SFXN1: variants seen among roughly 807,000 people sequenced by gnomAD.
SFXN1 encodes sideroflexin-1.
SFXN1 carries 32 observed loss-of-function variants against 39.5 expected under a neutral mutation model. That is an observed-to-expected ratio of 0.81 (90% CI 0.61 to 1.09). SFXN1 has a LOEUF of 1.09. SFXN1 is among the 50% of genes least tolerant of loss of function. SFXN1 has a pLI of 0.00. For missense variants in SFXN1, 402 were observed against 407.1 expected (o/e 0.99, Z 0.11); for synonymous variants, 136 against 146.5 (o/e 0.93, Z 0.52).
chr5:175,522,994 A>C (rs757442098), intron 10 of SFXN1: 3 of 152,378 alleles, frequency 2.0e-5, no homozygotes, highest in Non-Finnish European at 4.4e-5. Context: ...CAACACACAA[A>C]GCAGCGGCAT....
chr5:175,505,666 TA>T (rs1760266475), intron 2 of SFXN1, among the ~76,000 whole-genome samples: 1 of 151,938 alleles, frequency 6.6e-6, no homozygotes, highest in Non-Finnish European at 1.5e-5. Flanking sequence ...TACCCAAGAT[TA>T]AAATTGACTG....
intron 8 of SFXN1, 45 bp from the exon 9 acceptor site, chr5:175,521,874 G>T: frequency 6.7e-7 from 1 of 1,493,700 alleles, no homozygotes; most frequent in Non-Finnish European, 9.2e-7. Context: ...TTGCCTCTAA[G>T]ACCCTGTATA....
chr5:175,512,573 T>G (rs1396889467), intron 6 of SFXN1, among the ~76,000 whole-genome samples: 1 of 152,164 alleles, frequency 6.6e-6, no homozygotes, highest in Non-Finnish European at 1.5e-5. Flanking sequence ...CTTTTTTTTC[T>G]CCAGAATTTT....
intron 2 of SFXN1, among the ~76,000 whole-genome samples, chr5:175,501,523 CAAGG>C (rs1202850860): frequency 1.3e-5 from 2 of 151,926 alleles, no homozygotes; most frequent in African/African-American, 2.4e-5. Context: ...AATTCACAGA[CAAGG>C]AAAATATTTG....
At chr5:175,498,325 A>G (rs556335544) in intron 2 of SFXN1, among the ~76,000 whole-genome samples, 158 of 151,844 alleles carry the variant, frequency 1.0e-3, no homozygotes, top group African/African-American at 3.5e-3. Flanking sequence ...TAATCATTTC[A>G]CATTTACTAA....
At chr5:175,501,686 C>T (rs1760089485) in intron 2 of SFXN1, among the ~76,000 whole-genome samples, 1 of 152,136 alleles carries the variant, frequency 6.6e-6, no homozygotes, top group Non-Finnish European at 1.5e-5. Flanking sequence ...ACTTAGGACA[C>T]TTCACCATAG....
At position 175,487,239 on chromosome 5, in the gene SFXN1, G is replaced by A. The variant is rs560427541; in HGVS notation, c.-9-4856G>A. The stretch of plus-strand genomic sequence containing the variant: ...CCTCCTGGATCAGAACCTCTAGAAG[G>A]AGGATAGTATTTGTCTTTATAAGAA... On this transcript the variant is annotated intron_variant, in intron 1 of 10. Transcript: ENST00000321442. Among the ~76,000 whole-genome samples, 19 of 152,298 alleles carry A rather than the reference G, an allele frequency of 1.2e-4. No individual in the cohort carries two copies. In the East Asian group the frequency reaches 2.7e-3, roughly 22 times the overall value.
At chr5:175,507,551 G>A (rs1418864925) in intron 2 of SFXN1, among the ~76,000 whole-genome samples, 15 of 152,148 alleles carry the variant, frequency 9.9e-5, no homozygotes, top group Non-Finnish European at 1.5e-5. Context: ...GAGATGAGTA[G>A]GTAAAGACTT....
chr5:175,517,216 A>G (rs936845612), intron 8 of SFXN1, among the ~76,000 whole-genome samples: 1 of 152,180 alleles, frequency 6.6e-6, no homozygotes, highest in African/African-American at 2.4e-5. Context: ...TTAGCCCACC[A>G]TTGCCGCATT....
chr5:175,514,150 A>G (rs1368098939), intron 7 of SFXN1, among the ~76,000 whole-genome samples: 1 of 151,880 alleles, frequency 6.6e-6, no homozygotes, highest in African/African-American at 2.4e-5. Context: ...GAGAATGAGA[A>G]TATTCAGTGG....
intron 7 of SFXN1, among the ~76,000 whole-genome samples, chr5:175,514,162 G>C (rs529859855): frequency 6.6e-6 from 1 of 152,262 alleles, no homozygotes; most frequent in African/African-American, 2.4e-5. Context: ...ATTCAGTGGA[G>C]GCTGTGCGGG....
At chr5:175,492,582 C>T (rs1452329627) in intron 2 of SFXN1, 1 of 214,338 alleles carries the variant, frequency 4.7e-6, no homozygotes, top group Non-Finnish European at 9.2e-6. Context: ...ACGACATCCA[C>T]AACCCCTCCG....
intron 1 of SFXN1, among the ~76,000 whole-genome samples, chr5:175,489,934 C>T (rs555175246): frequency 3.9e-5 from 6 of 152,292 alleles, no homozygotes; most frequent in South Asian, 4.1e-4. Flanking sequence ...TGATGTTCCC[C>T]GGTGGAGATC....
intron 2 of SFXN1, among the ~76,000 whole-genome samples, chr5:175,495,819 G>A (rs540516612): frequency 2.7e-5 from 4 of 150,930 alleles, no homozygotes; most frequent in Non-Finnish European, 5.9e-5. Context: ...CATATAAATA[G>A]ACAAGTGATG....
chr5:175,507,974 A>T (rs113263822), intron 2 of SFXN1, among the ~76,000 whole-genome samples: 679 of 34,964 alleles, frequency 0.019, 4 homozygotes, highest in Non-Finnish European at 0.031. Context: ...CCCTGTCTTT[A>T]AAAAAAAAAA....
intron 10 of SFXN1, 119 bp from the exon 11 acceptor site, chr5:175,526,519 A>G: frequency 1.4e-6 from 1 of 706,756 alleles, no homozygotes. Flanking sequence ...GCATTTCTCC[A>G]ACAAGACCCA....
Position 175,511,497 on chromosome 5 carries a change from A to G in SFXN1, c.481A>G (p.Thr161Ala). 6.2e-7 allele frequency: 1 copy of G among 1,614,154 alleles called. No individual in the cohort carries two copies. The highest frequency in any genetic ancestry group is 8.5e-7 in the Non-Finnish European group (1 of 1,180,000). The change falls in exon 5 of 11, where the codon ACA becomes GCA. Residue 161 changes from threonine to alanine, a missense_variant. Physicochemically the swap from Thr to Ala is moderately conservative, Grantham distance 58 (BLOSUM62 0). Transcript: ENST00000321442. ...TTCTGCAACAACTGGTGCCGTAGCA[A>G]CAGCTCTAGGACTCAATGCATTGAC... is the stretch of plus-strand genomic sequence containing the variant. ...YVSATTGAVATALGLNALTKH... is the reference protein window; with the variant it reads ...YVSATTGAVAAALGLNALTKH...
rs370451192 is a variant in SFXN1, at chr5:175,499,203, C to T, written c.164+6936C>T. Reference sequence around the variant, plus strand: ...CCAGGAGGCGGAGGTTGCAGTGAGCCGAGATGGCACCACTGCACTCCAGCC... The same window carrying T: ...CCAGGAGGCGGAGGTTGCAGTGAGCTGAGATGGCACCACTGCACTCCAGCC... On this transcript the variant is annotated intron_variant, in intron 2 of 10. Transcript: ENST00000321442. Among the ~76,000 whole-genome samples, 25 of 151,574 alleles carry T rather than the reference C, an allele frequency of 1.6e-4. 1 individual carries two copies. Among genetic ancestry groups the T allele is most frequent in the African/African-American group, 6.1e-4 (25 of 41,256 alleles).
At chr5:175,492,431 T>C in intron 2 of SFXN1, 164 bp downstream of exon 2, 1 of 611,682 alleles carries the variant, frequency 1.6e-6, no homozygotes, top group Non-Finnish European at 2.7e-6. Flanking sequence ...ACCTGTTATA[T>C]CCCCCATTGC....
Sources: gnomAD v4.1 joint callset for allele counts (sites outside exome capture counted in the v4.1 genomes callset) on GRCh38, gnomAD v4.1.1 for gene constraint, MANE v1.5 for transcripts, NCBI Gene and HGNC (gene_info 2026-07-23, HGNC 2026-07-21) for gene names.